LRP1B: variants seen among roughly 807,000 people sequenced by gnomAD.
The protein encoded by LRP1B is LDL receptor related protein 1B.
LRP1B carries 217 observed loss-of-function variants against 556.6 expected under a neutral mutation model. The observed-to-expected ratio is 0.39, with a 90% CI of 0.35 to 0.44. The LOEUF is 0.44. Ranked by LOEUF, LRP1B falls within the 20% of genes least tolerant of loss-of-function variation. LRP1B has a pLI of 1.00. For synonymous variants in LRP1B, 2,047 were observed against 1,865.8 expected (o/e 1.10, Z -2.50); for missense variants, 5,053 against 5,620.8 (o/e 0.90, Z 3.23).
chr2:140,528,502 T>A (rs1423112532), intron 47 of LRP1B, among the ~76,000 whole-genome samples: 4 of 151,820 alleles, frequency 2.6e-5, no homozygotes, highest in Non-Finnish European at 5.9e-5. Context: ...TTTTTTTTCC[T>A]ATTTTCCAAA....
At chr2:140,504,676 A>T (rs546623035) in intron 53 of LRP1B, among the ~76,000 whole-genome samples, 2 of 152,168 alleles carry the variant, frequency 1.3e-5, no homozygotes, top group African/African-American at 4.8e-5. Flanking sequence ...GTATCCCAAC[A>T]TTCATTAACA....
intron 25 of LRP1B, among the ~76,000 whole-genome samples, chr2:140,868,858 T>C (rs13021153): frequency 0.14 from 20,528 of 152,028 alleles, 1,594 homozygotes; most frequent in Admixed American, 0.17. Context: ...TCTCTATGTA[T>C]AGTAAATATA....
rs545687005 is a variant in LRP1B at position 140,435,987 on chromosome 2, T to TCA, written c.10414+6516_10414+6517insTG. 7.3e-4 allele frequency among the ~76,000 whole-genome samples: 111 copies of TCA among 151,568 alleles called. No individual in the cohort carries two copies. The South Asian group carries it at 0.02, about 28-fold the overall frequency. On this transcript the variant is annotated intron_variant, in intron 66 of 90. Transcript: ENST00000389484. ...CTCTCTTCCTTTCTCTCTCTCTCTC[T>TCA]CTCACACACACACACACCCAAATAT... is the stretch of plus-strand genomic sequence containing the variant.
chr2:141,038,233 G>A (rs375030787), intron 11 of LRP1B, among the ~76,000 whole-genome samples: 71 of 152,100 alleles, frequency 4.7e-4, no homozygotes, highest in South Asian at 8.3e-4. Flanking sequence ...GTCCTTCTCC[G>A]GGCCAGAGGC....
chr2:141,151,609 T>A lies in LRP1B; in HGVS notation c.1013+36812A>T, dbSNP rs1276771494. Among the ~76,000 whole-genome samples, 7 of 152,286 alleles carry A rather than the reference T, an allele frequency of 4.6e-5. No individual in the cohort carries two copies. The East Asian group carries it at 9.6e-4, about 21-fold the overall frequency. On this transcript the variant is annotated intron_variant, in intron 7 of 90. Transcript: ENST00000389484. ...ACATTGCCCAGTTCACACAATTTTG[T>A]TCTCTCTTTTTCAGTTCTGTGATTC...
At chr2:141,490,264 C>T (rs777776010) in intron 2 of LRP1B, among the ~76,000 whole-genome samples, 11 of 151,788 alleles carry the variant, frequency 7.2e-5, no homozygotes, top group African/African-American at 4.8e-5. Context: ...ACCAAAGTAC[C>T]GATGGTATGT....
chr2:140,553,653 G>A (rs1358087813), intron 43 of LRP1B, among the ~76,000 whole-genome samples: 1 of 152,004 alleles, frequency 6.6e-6, no homozygotes, highest in Non-Finnish European at 1.5e-5. Flanking sequence ...GAAATAGCTA[G>A]TGTGCTCAAA....
At chr2:140,865,496 A>G (rs1172984677) in intron 27 of LRP1B, among the ~76,000 whole-genome samples, 1 of 151,984 alleles carries the variant, frequency 6.6e-6, no homozygotes, top group East Asian at 1.9e-4. Context: ...GTAATAAAAT[A>G]GTCGATATGT....
intron 55 of LRP1B, among the ~76,000 whole-genome samples, chr2:140,497,487 C>T (rs1418197757): frequency 6.6e-6 from 1 of 151,516 alleles, no homozygotes; most frequent in African/African-American, 2.4e-5. Context: ...TATATTATAT[C>T]TTTTTATTCA....
rs201993081 is a variant in LRP1B, at chr2:141,936,045, G to GA, written c.83-125645_83-125644insT. On this transcript the variant is annotated intron_variant, in intron 1 of 90. Transcript: ENST00000389484. ...TACTTTTTATGTTAATAACACTGTA[G>GA]CAAAAAAAGGAGTGGAAAGGAATTT... is the stretch of plus-strand genomic sequence containing the variant. Among the ~76,000 whole-genome samples, 649 of 152,032 alleles carry GA rather than the reference G, an allele frequency of 4.3e-3. 3 individuals are homozygous for GA. Among genetic ancestry groups the GA allele is most frequent in the African/African-American group, 0.014 (574 of 41,524 alleles).
chr2:141,826,878 CATTT>C (rs1340372292), intron 1 of LRP1B, among the ~76,000 whole-genome samples: 9 of 152,146 alleles, frequency 5.9e-5, no homozygotes, highest in Non-Finnish European at 8.8e-5. Flanking sequence ...CTCAAACCTA[CATTT>C]ATTTTTTAAA....
chr2:141,433,322 A>G (rs1680637484), intron 3 of LRP1B, among the ~76,000 whole-genome samples: 1 of 152,014 alleles, frequency 6.6e-6, no homozygotes, highest in African/African-American at 2.4e-5. Flanking sequence ...TCATAGTCCT[A>G]TCCTAGAAAG....
chr2:141,348,102 G>C (rs1688317461), intron 3 of LRP1B, among the ~76,000 whole-genome samples: 1 of 152,018 alleles, frequency 6.6e-6, no homozygotes, highest in Non-Finnish European at 1.5e-5. Flanking sequence ...TTCACACTTA[G>C]TGTCATTTGT....
intron 2 of LRP1B, among the ~76,000 whole-genome samples, chr2:141,677,323 G>T (rs12995584): frequency 0.08 from 12,129 of 152,064 alleles, 620 homozygotes; most frequent in South Asian, 0.15. Flanking sequence ...AACTGATTAG[G>T]CAAGAAAATT....
intron 3 of LRP1B, among the ~76,000 whole-genome samples, chr2:141,334,321 C>T (rs1457068160): frequency 3.3e-5 from 5 of 152,182 alleles, no homozygotes; most frequent in African/African-American, 4.8e-5. Context: ...CCACAAGATA[C>T]GGTTGTATAC....
intron 7 of LRP1B, among the ~76,000 whole-genome samples, chr2:141,128,249 G>A (rs532724830): frequency 2.6e-5 from 4 of 152,104 alleles, no homozygotes; most frequent in East Asian, 1.9e-4. Flanking sequence ...ATTAATTTAC[G>A]GAAGTTTCAA....
At chr2:141,719,973 G>C (rs1692756919) in intron 2 of LRP1B, among the ~76,000 whole-genome samples, 1 of 151,866 alleles carries the variant, frequency 6.6e-6, no homozygotes, top group Non-Finnish European at 1.5e-5. Flanking sequence ...CAACAAACCT[G>C]GACATGTATC....
chr2:141,446,820 C>A (rs1389902140), intron 3 of LRP1B, among the ~76,000 whole-genome samples: 2 of 152,146 alleles, frequency 1.3e-5, no homozygotes, highest in Non-Finnish European at 2.9e-5. Context: ...GGTAACGCAA[C>A]CTTTCTCACT....
intron 35 of LRP1B, among the ~76,000 whole-genome samples, chr2:140,748,933 C>T (rs1194610837): frequency 6.9e-6 from 1 of 144,618 alleles, no homozygotes; most frequent in Non-Finnish European, 1.5e-5. Flanking sequence ...GTTGTGTGGA[C>T]ATTATAAAAT....
Sources: allele counts gnomAD v4.1 joint callset (sites outside exome capture counted in the v4.1 genomes callset), GRCh38; gene constraint gnomAD v4.1.1; transcripts MANE v1.5; gene names NCBI Gene and HGNC (gene_info 2026-07-23, HGNC 2026-07-21).